Variants in KIF20B observed in about 807,000 individuals in gnomAD.
KIF20B encodes the protein kinesin family member 20B.
Under a neutral mutation model 232.5 loss-of-function variants are expected in KIF20B, and 188 were observed. The observed-to-expected ratio is 0.81, with a 90% CI of 0.72 to 0.91. KIF20B has a LOEUF of 0.91. Ranked by LOEUF, KIF20B falls within the 40% of genes least tolerant of loss-of-function variation. KIF20B has a pLI of 0.00. For synonymous variants in KIF20B, 712 were observed against 683.0 expected, an observed-to-expected ratio of 1.04 and a Z score of -0.66; for missense variants, 2,154 against 2,055.9, an observed-to-expected ratio of 1.05 and a Z score of -0.92.
chr10:89,720,828 C>T (rs1249789111), intron 13 of KIF20B, among the ~76,000 whole-genome samples: 3 of 152,160 alleles, frequency 2.0e-5, no homozygotes, highest in Non-Finnish European at 4.4e-5. Flanking sequence ...GCCTCAGCCT[C>T]CTGAGTAGCT....
chr10:89,770,782 C>T (rs555428033), intron 31 of KIF20B, among the ~76,000 whole-genome samples: 1 of 151,950 alleles, frequency 6.6e-6, no homozygotes, highest in African/African-American at 2.4e-5. Flanking sequence ...ACTGTTAATC[C>T]ATCACTTAGT....
In KIF20B at chr10:89,729,230, AAC is replaced by A. The variant is rs763802997; in HGVS notation, c.2378_2379del (p.Thr793IlefsTer2). Reference protein sequence around the residue: ...EFQNLKSHMENTFKCNDKADT... With the variant: ...EFQNLKSHMEXTFKCNDKADT... The stretch of plus-strand genomic sequence containing the variant: ...TCAGAACCTAAAGTCTCATATGGAA[AAC>A]ACATTTAAATGCAATGTAAGAATTT... On this transcript the variant is annotated frameshift_variant, in exon 18 of 33. Transcript: ENST00000371728. LOFTEE classifies it high-confidence loss of function. 1 of 1,490,486 alleles carries A rather than the reference AAC, an allele frequency of 6.7e-7. No homozygotes were observed. Among genetic ancestry groups the A allele is most frequent in the South Asian group, 1.3e-5 (1 of 78,496 alleles). 92.3% of individuals were successfully genotyped at this position (1,490,486 alleles called of 1,614,324 possible). A position where few individuals can be genotyped will look rare whatever the true frequency, so the allele number is the denominator to read the frequency against.
chr10:89,729,247 T>G lies in KIF20B; in HGVS notation c.2391T>G (p.Asn797Lys), dbSNP rs377501846. 3 of 1,481,556 alleles carry G rather than the reference T, an allele frequency of 2.0e-6. No homozygotes were observed. The highest frequency in any genetic ancestry group is 2.7e-6 in the Non-Finnish European group (3 of 1,106,002). 91.8% of individuals were successfully genotyped at this position (1,481,556 alleles called of 1,614,324 possible). A position where few individuals can be genotyped will look rare whatever the true frequency, so the allele number is the denominator to read the frequency against. The part of the protein sequence containing the change: ...KSHMENTFKC[N>K]DKADTSSLII... ...ATATGGAAAACACATTTAAATGCAA[T>G]GTAAGAATTTAACCTTGTGTTATAT... Residue 797 changes from asparagine (N) to lysine (K), a missense_variant and splice_region_variant, in exon 18 of 33, where the codon AAT (asparagine) becomes AAG (lysine). Physicochemically the swap from Asn to Lys is moderately conservative, Grantham distance 94. Coordinates refer to ENST00000371728, the MANE Select transcript of KIF20B (RefSeq NM_001284259.2).
Position 89,745,849 on chromosome 10 carries a change from TTG to T in KIF20B, c.4036-46_4036-45del, listed in dbSNP as rs757483954. 11 of 1,212,390 alleles carry T rather than the reference TTG, an allele frequency of 9.1e-6. No individual in the cohort carries two copies. The African/African-American group carries it at 1.4e-4, about 15-fold the overall frequency. The allele number at this position is 1,212,390 out of a possible 1,614,324, so 75.1% of individuals were successfully genotyped here. On this transcript the variant is annotated intron_variant, in intron 22 of 32. Transcript: ENST00000371728. ...TGTTTTCAAGATCCACTGTTAAATATTGTGTTTTTAAGTTAATTTGCAATTAA... is the reference window on the plus strand; with the variant it reads ...TGTTTTCAAGATCCACTGTTAAATATTGTTTTTAAGTTAATTTGCAATTAA...
At position 89,737,437 on chromosome 10, in the gene KIF20B, G is replaced by C. The variant is rs1379536336; in HGVS notation, c.2596G>C (p.Glu866Gln). ...CACTGAAGACCAAAAGAAAAGTGAA[G>C]AAGTGCGACCGAACATTGCAGAAAT... ...AITEDQKKSEEVRPNIAEIED... is the reference protein window; with the variant it reads ...AITEDQKKSEQVRPNIAEIED... Residue 866 changes from glutamate (E) to glutamine (Q), a missense_variant, in exon 20 of 33, where the codon GAA (glutamate) becomes CAA (glutamine). Transcript: ENST00000371728. The C allele has an allele frequency of 6.3e-7, 1 of 1,598,036 alleles. No homozygotes were observed. Among genetic ancestry groups the C allele is most frequent in the Non-Finnish European group, 8.5e-7 (1 of 1,175,862 alleles).
At chr10:89,773,044 A>T (rs1842497943) in intron 32 of KIF20B, among the ~76,000 whole-genome samples, 1 of 152,096 alleles carries the variant, frequency 6.6e-6, no homozygotes, top group East Asian at 1.9e-4. Context: ...AAAATGCATC[A>T]GAGGAATTTA....
At chr10:89,705,488 T>C in intron 2 of KIF20B, 47 bp downstream of exon 2, 3 of 1,568,884 alleles carry the variant, frequency 1.9e-6, no homozygotes, top group Non-Finnish European at 2.6e-6. Context: ...CTCCTTCTAA[T>C]GCAAGGGTTG....
Position 89,774,068 on chromosome 10 carries a change from AAT to A in KIF20B, c.*24_*25del, listed in dbSNP as rs1564678861. 6.6e-7 allele frequency: 1 copy of A among 1,504,618 alleles called. No homozygotes were observed. The highest frequency in any genetic ancestry group is 9.1e-7 in the Non-Finnish European group (1 of 1,100,444). The allele number at this position is 1,504,618 out of a possible 1,614,324, so 93.2% of individuals were successfully genotyped here. A position where few individuals can be genotyped will look rare whatever the true frequency, so the allele number is the denominator to read the frequency against. ...AAATAAATCACTTATGGAAATGTTT[AAT>A]ATAAATTTTATAGTCATAGTCATTG... is the stretch of plus-strand genomic sequence containing the variant. On this transcript the variant is annotated 3_prime_UTR_variant, in exon 33 of 33. Transcript: ENST00000371728.
At chr10:89,717,066 G>A (rs12260674) in intron 9 of KIF20B, among the ~76,000 whole-genome samples, 2,573 of 152,254 alleles carry the variant, frequency 0.017, 90 homozygotes, top group African/African-American at 0.058. Context: ...TAGGTCAAAT[G>A]TATGCTTTGC....
At chr10:89,773,513 G>C (rs1288417438) in intron 32 of KIF20B, among the ~76,000 whole-genome samples, 1 of 152,024 alleles carries the variant, frequency 6.6e-6, no homozygotes, top group East Asian at 1.9e-4. Flanking sequence ...TTAGGGCATG[G>C]TGTTGTAAGT....
chr10:89,726,896 C>T (rs948288128), intron 16 of KIF20B, among the ~76,000 whole-genome samples: 2 of 152,076 alleles, frequency 1.3e-5, no homozygotes, highest in Non-Finnish European at 2.9e-5. Context: ...GCCTTCTACT[C>T]CTGGGCTCAA....
At chr10:89,725,181 A>T (rs553208597) in intron 15 of KIF20B, 23 bp downstream of exon 15, 1 of 1,611,108 alleles carries the variant, frequency 6.2e-7, no homozygotes, top group African/African-American at 1.3e-5. Context: ...AAGTATTTAA[A>T]AATATCCAGT....
intron 24 of KIF20B, among the ~76,000 whole-genome samples, chr10:89,751,758 T>G (rs760964093): frequency 6.6e-6 from 1 of 151,998 alleles, no homozygotes; most frequent in Admixed American, 6.5e-5. Context: ...TAAGAGTAAG[T>G]TTTCAACTGA....
At chr10:89,773,616 G>T (rs1842511486) in intron 32 of KIF20B, among the ~76,000 whole-genome samples, 1 of 151,876 alleles carries the variant, frequency 6.6e-6, no homozygotes, top group Non-Finnish European at 1.5e-5. Context: ...TATATAATGT[G>T]CTTTCTACTT....
At chr10:89,742,290 C>A (rs1489963325) in intron 21 of KIF20B, among the ~76,000 whole-genome samples, 2 of 152,180 alleles carry the variant, frequency 1.3e-5, no homozygotes, top group African/African-American at 4.8e-5. Flanking sequence ...GGGTTCAATA[C>A]TGTCCACTGG....
intron 2 of KIF20B, 148 bp downstream of exon 2, chr10:89,705,589 T>C: frequency 3.1e-6 from 2 of 636,426 alleles, no homozygotes; most frequent in Non-Finnish European, 2.6e-6. Flanking sequence ...GGAAGAAAAA[T>C]CAAAATAGGA....
intron 27 of KIF20B, 111 bp from the exon 28 acceptor site, chr10:89,760,415 T>A: frequency 1.5e-6 from 1 of 666,560 alleles, no homozygotes; most frequent in South Asian, 2.0e-5. Flanking sequence ...ACTTAGTAAT[T>A]TCCATTGTTT....
intron 18 of KIF20B, among the ~76,000 whole-genome samples, chr10:89,732,060 T>C (rs915825684): frequency 6.6e-6 from 1 of 152,122 alleles, no homozygotes; most frequent in African/African-American, 2.4e-5. Context: ...ATGCTGAGTT[T>C]TACCCTTCTT....
chr10:89,733,355 T>C (rs575105535), intron 19 of KIF20B, among the ~76,000 whole-genome samples: 1 of 152,346 alleles, frequency 6.6e-6, no homozygotes, highest in Non-Finnish European at 1.5e-5. Flanking sequence ...AAATATAGTA[T>C]TTTCTGCCTA....
Sources: gnomAD v4.1 joint callset for allele counts (sites outside exome capture counted in the v4.1 genomes callset) on GRCh38, gnomAD v4.1.1 for gene constraint, MANE v1.5 for transcripts, NCBI Gene and HGNC (gene_info 2026-07-23, HGNC 2026-07-21) for gene names.